The following SNX24 variants were observed in gnomAD, a reference collection of about 807,000 sequenced individuals.
SNX24 encodes sorting nexin-24.
Under a neutral mutation model 28.7 loss-of-function variants are expected in SNX24, and 22 were observed. The ratio of observed to expected loss-of-function variants is 0.77; its 90% CI spans 0.55 to 1.10. The LOEUF (loss-of-function observed/expected upper bound fraction) is 1.10, where lower values mean the gene tolerates loss of function less well. SNX24 is among the 50% of genes least tolerant of loss of function. The pLI is 0.00. For missense variants in SNX24, 221 were observed against 201.1 expected (o/e 1.10, Z -0.60); for synonymous variants, 69 against 71.5 (o/e 0.96, Z 0.18).
At chr5:122,959,830 G>A (rs1411437276) in intron 3 of SNX24, among the ~76,000 whole-genome samples, 1 of 152,110 alleles carries the variant, frequency 6.6e-6, no homozygotes, top group Non-Finnish European at 1.5e-5. Flanking sequence ...GTTAGGAGCA[G>A]AGGTTTTGAT....
rs186645412 is a variant in SNX24 at position 122,935,965 on chromosome 5, A to C, written c.61-769A>C. Among the ~76,000 whole-genome samples, 8 of 152,328 alleles carry C rather than the reference A, an allele frequency of 5.3e-5. No homozygotes were observed. The East Asian group carries it at 1.3e-3, about 26-fold the overall frequency. On this transcript the variant is annotated intron_variant, in intron 1 of 6. Coordinates refer to ENST00000261369, the MANE Select transcript of SNX24 (RefSeq NM_014035.4). ...CAGAGCTCCTCTTTAGATCCTGCTA[A>C]CCATCCCTCCCCATCCGACCTTAAA... is the stretch of plus-strand genomic sequence containing the variant.
In SNX24 at chr5:122,938,733, G is replaced by A. The variant is rs1354325891; in HGVS notation, c.144+1916G>A. Among the ~76,000 whole-genome samples, 9 of 15,928 alleles carry A rather than the reference G, an allele frequency of 5.7e-4. 3 individuals are homozygous for A. The highest frequency in any genetic ancestry group is 3.7e-3 in the African/African-American group (5 of 1,346). The allele number at this position is 15,928 out of a possible 152,430, so 10.4% of individuals were successfully genotyped here. A position where few individuals can be genotyped will look rare whatever the true frequency, so the allele number is the denominator to read the frequency against. ...AGGCGGGCGGATCACGAGGTCAGGA[G>A]ATCGAGACCATCCTGGCTAACACGG... is the stretch of plus-strand genomic sequence containing the variant. On this transcript the variant is annotated intron_variant, in intron 2 of 6. Coordinates refer to ENST00000261369, the MANE Select transcript of SNX24 (RefSeq NM_014035.4).
At chr5:122,967,842 C>G (rs538584412) in intron 3 of SNX24, among the ~76,000 whole-genome samples, 26 of 152,280 alleles carry the variant, frequency 1.7e-4, no homozygotes, top group African/African-American at 6.3e-4. Context: ...GATTAAACCA[C>G]GAGCTCACGT....
intron 3 of SNX24, among the ~76,000 whole-genome samples, chr5:122,965,096 T>G (rs1760663838): frequency 1.3e-5 from 2 of 152,216 alleles, no homozygotes; most frequent in African/African-American, 4.8e-5. Flanking sequence ...GGACCCTTAA[T>G]TTCATTAAAC....
chr5:122,927,797 G>A (rs1048593002), intron 1 of SNX24, among the ~76,000 whole-genome samples: 33 of 152,090 alleles, frequency 2.2e-4, no homozygotes, highest in Admixed American at 1.4e-3. Context: ...TATATCTCTA[G>A]TTAAGACCAG....
rs536940539 is a variant in SNX24 at position 122,967,877 on chromosome 5, C to T, written c.249+21718C>T. On this transcript the variant is annotated intron_variant, in intron 3 of 6. Transcript: ENST00000261369. ...TGAATGGCAGTAGCACCTGCGCTGT[C>T]GCTTCTGCAAGTCCTCCTGAAAGTT... Among the ~76,000 whole-genome samples, 18 of 152,338 alleles carry T rather than the reference C, an allele frequency of 1.2e-4. No homozygotes were observed. The South Asian group carries it at 1.4e-3, about 12-fold the overall frequency.
At chr5:122,890,936 A>T in intron 1 of SNX24, 1 of 1,223,648 alleles carries the variant, frequency 8.2e-7, no homozygotes, top group East Asian at 3.1e-5. Flanking sequence ...TCCCTTCAAG[A>T]TTTTTCTGCA....
intron 3 of SNX24, among the ~76,000 whole-genome samples, chr5:122,966,999 A>G (rs961052294): frequency 1.3e-5 from 2 of 152,218 alleles, no homozygotes; most frequent in African/African-American, 4.8e-5. Context: ...ATTAAATTTG[A>G]AAATATTCTT....
rs374354796 is a variant in SNX24 at position 122,969,561 on chromosome 5, C to T, written c.249+23402C>T. Among the ~76,000 whole-genome samples, 4 of 152,286 alleles carry T rather than the reference C, an allele frequency of 2.6e-5. No individual in the cohort carries two copies. In the East Asian group the frequency reaches 7.7e-4, roughly 29 times the overall value. On this transcript the variant is annotated intron_variant, in intron 3 of 6. Coordinates refer to ENST00000261369, the MANE Select transcript of SNX24 (RefSeq NM_014035.4). Reference sequence around the variant, plus strand: ...AGGATTCAGGATGAAATCGTAACATCTCTTGTTCCAGAGTGCCTTTCATGT... The same window carrying T: ...AGGATTCAGGATGAAATCGTAACATTTCTTGTTCCAGAGTGCCTTTCATGT...
intron 1 of SNX24, among the ~76,000 whole-genome samples, chr5:122,908,014 A>G (rs1172204120): frequency 6.6e-6 from 1 of 152,168 alleles, no homozygotes; most frequent in Non-Finnish European, 1.5e-5. Flanking sequence ...GTGTTCACGA[A>G]CAAATCAGGT....
intron 1 of SNX24, among the ~76,000 whole-genome samples, chr5:122,854,371 G>A (rs546878577): frequency 6.6e-6 from 1 of 151,986 alleles, no homozygotes; most frequent in Non-Finnish European, 1.5e-5. Context: ...AGCTGGGCGT[G>A]GTGGCGGGTG....
intron 1 of SNX24, among the ~76,000 whole-genome samples, chr5:122,861,886 C>T (rs1342189058): frequency 6.6e-6 from 1 of 152,202 alleles, no homozygotes; most frequent in Non-Finnish European, 1.5e-5. Flanking sequence ...TTTACACCCT[C>T]ACCCTTTTCT....
intron 1 of SNX24, among the ~76,000 whole-genome samples, chr5:122,922,286 T>G (rs912108236): frequency 2.0e-5 from 3 of 152,192 alleles, no homozygotes; most frequent in African/African-American, 2.4e-5. Context: ...AGGGTCTCAC[T>G]CTGTCACCCA....
At chr5:122,930,712 A>G (rs1229405923) in intron 1 of SNX24, among the ~76,000 whole-genome samples, 1 of 152,104 alleles carries the variant, frequency 6.6e-6, no homozygotes, top group East Asian at 1.9e-4. Context: ...TAGATTGGAT[A>G]TTTATTCTCT....
intron 1 of SNX24, among the ~76,000 whole-genome samples, chr5:122,870,746 T>C (rs1755934164): frequency 6.6e-6 from 1 of 152,180 alleles, no homozygotes; most frequent in African/African-American, 2.4e-5. Context: ...GGGAAGTGCC[T>C]GAGACATGGA....
chr5:122,951,266 C>CAAAAA (rs1445925286), intron 3 of SNX24, among the ~76,000 whole-genome samples: 213 of 44,824 alleles, frequency 4.8e-3, no homozygotes, highest in East Asian at 0.012. Context: ...GACTCTGTCT[C>CAAAAA]AAAAAAAAAA....
intron 3 of SNX24, among the ~76,000 whole-genome samples, chr5:122,975,362 T>A (rs2150151515): frequency 6.6e-6 from 1 of 151,890 alleles, no homozygotes; most frequent in Non-Finnish European, 1.5e-5. Flanking sequence ...GAAAATAAAT[T>A]TATGGTTTTT....
intron 1 of SNX24, among the ~76,000 whole-genome samples, chr5:122,879,141 T>G (rs1157356050): frequency 1.3e-5 from 2 of 152,184 alleles, no homozygotes; most frequent in Non-Finnish European, 2.9e-5. Context: ...ACATTATTAA[T>G]GAGACCACTT....
intron 5 of SNX24, 68 bp downstream of exon 5, chr5:123,001,505 G>T: frequency 1.8e-6 from 2 of 1,089,248 alleles, no homozygotes; most frequent in Non-Finnish European, 2.7e-6. Flanking sequence ...CACCTACGAT[G>T]TGTTTCAAGT....
Sources: allele counts gnomAD v4.1 joint callset (sites outside exome capture counted in the v4.1 genomes callset), GRCh38; gene constraint gnomAD v4.1.1; transcripts MANE v1.5; gene names NCBI Gene and HGNC (gene_info 2026-07-23, HGNC 2026-07-21).